Variants in ACLY observed in about 807,000 individuals in gnomAD.
ACLY encodes the protein ATP citrate lyase, also known as ATP-citrate synthase.
In ACLY, 41 loss-of-function variants were observed where a neutral mutation model predicts 133.0. The observed-to-expected ratio is 0.31, with a 90% CI of 0.24 to 0.40. The LOEUF (loss-of-function observed/expected upper bound fraction) is 0.40. Among genes scored for constraint, ACLY ranks in the 10% least tolerant of loss-of-function variants. The pLI, the probability that ACLY is intolerant of heterozygous loss-of-function variation, is 1.00. For missense variants in ACLY, 1,046 were observed against 1,453.8 expected, an observed-to-expected ratio of 0.72 and a Z score of 4.56; for synonymous variants, 495 against 549.3, an observed-to-expected ratio of 0.90 and a Z score of 1.38.
chr17:41,900,950 CTT>C (rs2144353063), intron 11 of ACLY, among the ~76,000 whole-genome samples: 1 of 151,774 alleles, frequency 6.6e-6, no homozygotes, highest in Admixed American at 6.6e-5. Context: ...TGTCAGTTTT[CTT>C]TTCTTTCTTC....
intron 17 of ACLY, among the ~76,000 whole-genome samples, chr17:41,886,799 C>T (rs1204943391): frequency 2.6e-5 from 4 of 151,498 alleles, no homozygotes; most frequent in Non-Finnish European, 5.9e-5. Context: ...CAAGACCCTG[C>T]TTCTTAAAAA....
chr17:41,917,471 G>T (rs1356665255), intron 1 of ACLY, among the ~76,000 whole-genome samples: 2 of 152,054 alleles, frequency 1.3e-5, no homozygotes, highest in African/African-American at 4.8e-5. Context: ...ACTTTTAGCA[G>T]ACACTGAGAG....
At chr17:41,899,645 C>G (rs749586695) in intron 11 of ACLY, among the ~76,000 whole-genome samples, 1 of 152,214 alleles carries the variant, frequency 6.6e-6, no homozygotes, top group Non-Finnish European at 1.5e-5. Flanking sequence ...TCTTCTCCTA[C>G]TGTTTACTTG....
At chr17:41,909,816 G>T (rs573951654) in intron 4 of ACLY, 116 bp from the exon 5 acceptor site, 10 of 884,998 alleles carry the variant, frequency 1.1e-5, no homozygotes, top group African/African-American at 1.7e-5. Context: ...CAATCCCCAC[G>T]GTCTCATTTT....
intron 2 of ACLY, among the ~76,000 whole-genome samples, 158 bp downstream of exon 2, chr17:41,913,557 A>C (rs1555633993): frequency 6.6e-6 from 1 of 152,222 alleles, no homozygotes; most frequent in African/African-American, 2.4e-5. Flanking sequence ...AGGGCTCAGC[A>C]TGAACACAAA....
chr17:41,928,478 CA>C lies in ACLY; in HGVS notation c.-28+1879del, dbSNP rs539644433. On this transcript the variant is annotated intron_variant, in intron 1 of 3. Transcript: ENST00000592970. ...TAAGTTCTCTTTTGTTCTTCTTTTT[CA>C]AAATGGTTTTGGCTATTTTAGGTCT... Among the ~76,000 whole-genome samples the C allele has an allele frequency of 3.4e-3, 522 of 151,586 alleles. 1 individual carries two copies. Among genetic ancestry groups the C allele is most frequent in the Admixed American group, 6.2e-3 (94 of 15,206 alleles).
At chr17:41,889,201 A>C (rs1373017951) in intron 16 of ACLY, among the ~76,000 whole-genome samples, 1 of 152,094 alleles carries the variant, frequency 6.6e-6, no homozygotes, top group Non-Finnish European at 1.5e-5. Context: ...CTTGGGCCAT[A>C]GTTTGCCAAC....
intron 13 of ACLY, 149 bp downstream of exon 13, chr17:41,897,600 C>T (rs2049407391): frequency 2.9e-6 from 2 of 687,746 alleles, no homozygotes; most frequent in Non-Finnish European, 4.8e-6. Flanking sequence ...GTCATACCAT[C>T]CTCGTGTCCC....
chr17:41,878,344 A>C, intron 21 of ACLY, 148 bp from the exon 22 acceptor site: 1 of 547,112 alleles, frequency 1.8e-6, no homozygotes. Flanking sequence ...AATGAAAAGA[A>C]GTTCTAGCCA....
intron 2 of ACLY, among the ~76,000 whole-genome samples, chr17:41,913,497 C>T (rs1445830923): frequency 2.0e-5 from 3 of 152,198 alleles, no homozygotes; most frequent in African/African-American, 7.2e-5. Flanking sequence ...CCAGTTTGTC[C>T]AGTTTCAAGC....
Position 41,885,896 on chromosome 17 carries a change from C to T in ACLY, c.2072+216G>A, listed in dbSNP as rs947336505. On this transcript the variant is annotated intron_variant, in intron 18 of 28. Transcript: ENST00000352035. ...AACAGAATTATCCCCAAAGCCCAGT[C>T]GCCCCTCCTGCACATTGTTGCCCTG... Among the ~76,000 whole-genome samples the T allele has an allele frequency of 7.4e-4, 112 of 152,356 alleles. 2 individuals carry two copies. The highest frequency in any genetic ancestry group is 7.3e-3 in the Admixed American group (111 of 15,308).
chr17:41,883,933 T>C (rs954441006), intron 19 of ACLY, among the ~76,000 whole-genome samples: 3 of 151,978 alleles, frequency 2.0e-5, no homozygotes, highest in Non-Finnish European at 2.9e-5. Context: ...GCCCACCAGG[T>C]AGAGACCATG....
At chr17:41,885,832 C>A (rs1567893518) in intron 18 of ACLY, among the ~76,000 whole-genome samples, 3 of 152,176 alleles carry the variant, frequency 2.0e-5, no homozygotes, top group Non-Finnish European at 4.4e-5. Flanking sequence ...GCCCTCCTAA[C>A]CACTGTACTC....
rs782281063 is a variant in ACLY, at chr17:41,892,283, G to A, written c.1766C>T (p.Ala589Val). 4.7e-6 allele frequency: 7 copies of A among 1,499,030 alleles called. No homozygotes were observed. In the African/African-American group the frequency reaches 1.0e-4, roughly 22 times the overall value. The allele number at this position is 1,499,030 out of a possible 1,614,324, so 92.9% of individuals were successfully genotyped here. The change falls in exon 16 of 29, where the codon GCC (alanine) becomes GTC (valine). Residue 589 changes from alanine to valine, a missense_variant. This residue lies in a region of ACLY where 575 missense variants were observed against 804.2 expected (regional missense o/e 0.71). Transcript: ENST00000352035. ...CTCCAGAGCCCAGTGATCTACCTGG[G>A]CATAGTTCATGGTCTCCATGGTGCT... Reference protein sequence around the residue: ...YDSTMETMNYAQIRTIAIIAE... With the variant: ...YDSTMETMNYVQIRTIAIIAE...
At chr17:41,904,542 G>A (rs1263230843) in intron 10 of ACLY, 187 bp downstream of exon 10, 2 of 604,458 alleles carry the variant, frequency 3.3e-6, no homozygotes, top group African/African-American at 3.7e-5. Flanking sequence ...GAGACACACA[G>A]CGCAGATGGG....
chr17:41,877,086 TTTACAG>T (rs2048780053), intron 22 of ACLY, among the ~76,000 whole-genome samples: 1 of 152,198 alleles, frequency 6.6e-6, no homozygotes, highest in Admixed American at 6.5e-5. Context: ...TTTAAAATGC[TTTACAG>T]TTACATTTTT....
chr17:41,922,621 G>C (rs2050196235), upstream of ACLY, among the ~76,000 whole-genome samples: 1 of 152,154 alleles, frequency 6.6e-6, no homozygotes, highest in Non-Finnish European at 1.5e-5. Flanking sequence ...TTATCCTTCA[G>C]ATATACTTGC....
At position 41,871,829 on chromosome 17, in the gene ACLY, C is replaced by G; in HGVS notation, c.2797G>C (p.Asp933His). 1 of 1,613,754 alleles carries G rather than the reference C, an allele frequency of 6.2e-7. No homozygotes were observed. The highest frequency in any genetic ancestry group is 8.5e-7 in the Non-Finnish European group (1 of 1,179,988). Residue 933 changes from aspartate to histidine, a missense_variant, in exon 25 of 29, where the codon GAT (aspartate) becomes CAT (histidine). Asp to His is a moderately conservative substitution (Grantham distance 81). Around this residue, in one of 4 missense-constraint regions of ACLY, gnomAD observed 205 missense variants for 373.3 expected, o/e 0.55. Coordinates refer to ENST00000352035, the MANE Select transcript of ACLY (RefSeq NM_001096.3). ...SLTSGLLTIG[D>H]RFGGALDAAA... The stretch of plus-strand genomic sequence containing the variant: ...GCATCCAAGGCACCCCCAAACCGAT[C>G]CCCCTGGAGGAGAAACAAGTGCGTG...
At chr17:41,920,024 C>T (rs1242995041), upstream of ACLY, among the ~76,000 whole-genome samples, 1 of 152,180 alleles carries the variant, frequency 6.6e-6, no homozygotes, top group Non-Finnish European at 1.5e-5. Context: ...GTCCACTGAC[C>T]GACTCAGGTG....
Sources: allele counts gnomAD v4.1 joint callset (sites outside exome capture counted in the v4.1 genomes callset), GRCh38; gene constraint gnomAD v4.1.1; regional missense constraint gnomAD v4.1.1; transcripts MANE v1.5; gene names NCBI Gene and HGNC (gene_info 2026-07-23, HGNC 2026-07-21).